XYLT1: variants seen among roughly 807,000 people sequenced by gnomAD.
XYLT1 encodes xylosyltransferase 1.
XYLT1 carries 36 observed loss-of-function variants against 91.3 expected under a neutral mutation model. That is an observed-to-expected ratio of 0.39 (90% CI 0.30 to 0.52). The LOEUF is 0.52. Among genes scored for constraint, XYLT1 ranks in the 20% least tolerant of loss-of-function variants. The pLI, the probability that XYLT1 is intolerant of heterozygous loss-of-function variation, is 0.68. For missense variants in XYLT1, 1,242 were observed against 1,284.5 expected, an observed-to-expected ratio of 0.97 and a Z score of 0.51; for synonymous variants, 588 against 532.0, an observed-to-expected ratio of 1.11 and a Z score of -1.45.
chr16:17,227,194 T>G (rs747629437), intron 3 of XYLT1: 8 of 152,282 alleles, frequency 5.3e-5, no homozygotes, highest in Non-Finnish European at 1.2e-4. Flanking sequence ...AATGAACACC[T>G]GGTCATGGGG....
chr16:17,267,969 G>A (rs568045599), intron 2 of XYLT1, among the ~76,000 whole-genome samples: 1 of 152,292 alleles, frequency 6.6e-6, no homozygotes, highest in South Asian at 2.1e-4. Flanking sequence ...ATTAATGATT[G>A]CAATGGTGAC....
chr16:17,352,770 G>A (rs546876318), intron 2 of XYLT1, among the ~76,000 whole-genome samples: 6 of 152,170 alleles, frequency 3.9e-5, no homozygotes, highest in South Asian at 2.1e-4. Flanking sequence ...CTGAAGTTAC[G>A]GATGCATTTA....
At chr16:17,348,558 AC>A (rs1454754285) in intron 2 of XYLT1, among the ~76,000 whole-genome samples, 2 of 152,054 alleles carry the variant, frequency 1.3e-5, no homozygotes, top group African/African-American at 4.8e-5. Context: ...GTGTGAGAGC[AC>A]CTTCGCCAAG....
At chr16:17,370,292 G>A (rs939631552) in intron 1 of XYLT1, among the ~76,000 whole-genome samples, 3 of 152,216 alleles carry the variant, frequency 2.0e-5, no homozygotes, top group East Asian at 1.9e-4. Flanking sequence ...AGGAGACGAC[G>A]CTGTGCTAAG....
intron 3 of XYLT1, among the ~76,000 whole-genome samples, chr16:17,229,232 G>A (rs745603772): frequency 2.1e-4 from 32 of 152,260 alleles, no homozygotes; most frequent in Admixed American, 1.4e-3. Context: ...CAGAACTGAC[G>A]TGCAAAAAAT....
intron 1 of XYLT1, among the ~76,000 whole-genome samples, chr16:17,389,950 T>C (rs1230796123): frequency 1.3e-5 from 2 of 152,192 alleles, no homozygotes; most frequent in African/African-American, 4.8e-5. Context: ...TCGTGTCAGG[T>C]GTGGCTCCTG....
chr16:17,255,542 C>G (rs552757587), intron 3 of XYLT1, among the ~76,000 whole-genome samples: 1 of 152,280 alleles, frequency 6.6e-6, no homozygotes, highest in South Asian at 2.1e-4. Flanking sequence ...AACTTCTCCA[C>G]CAGGCACAGG....
At chr16:17,443,386 G>C (rs924705710) in intron 1 of XYLT1, among the ~76,000 whole-genome samples, 1 of 152,146 alleles carries the variant, frequency 6.6e-6, no homozygotes, top group Non-Finnish European at 1.5e-5. Flanking sequence ...ATTGGATCAT[G>C]GGAGTGATTT....
intron 1 of XYLT1, among the ~76,000 whole-genome samples, chr16:17,450,214 T>C (rs888095729): frequency 3.3e-5 from 5 of 152,108 alleles, no homozygotes; most frequent in Non-Finnish European, 5.9e-5. Flanking sequence ...GGCAGGCGCC[T>C]GTAATCCCAG....
intron 3 of XYLT1, among the ~76,000 whole-genome samples, chr16:17,204,528 G>A (rs1207983529): frequency 6.6e-6 from 1 of 151,954 alleles, no homozygotes; most frequent in Non-Finnish European, 1.5e-5. Context: ...ATGCAGAGAA[G>A]GAGAAATAGA....
chr16:17,194,659 C>T (rs1275038422), intron 5 of XYLT1, among the ~76,000 whole-genome samples: 1 of 152,230 alleles, frequency 6.6e-6, no homozygotes, highest in Non-Finnish European at 1.5e-5. Flanking sequence ...TTCAAGGTGG[C>T]CTGGGGCCAT....
At chr16:17,368,644 A>G (rs2035486550) in intron 1 of XYLT1, among the ~76,000 whole-genome samples, 1 of 146,520 alleles carries the variant, frequency 6.8e-6, no homozygotes, top group Non-Finnish European at 1.5e-5. Context: ...GAGTGCAGTG[A>G]TGTAATCATG....
chr16:17,438,796 C>T (rs778412954), intron 1 of XYLT1, among the ~76,000 whole-genome samples: 1 of 152,020 alleles, frequency 6.6e-6, no homozygotes, highest in African/African-American at 2.4e-5. Flanking sequence ...TGAGAACTCA[C>T]TCATTATCAC....
chr16:17,294,245 G>C (rs1395426178), intron 2 of XYLT1, among the ~76,000 whole-genome samples: 1 of 152,102 alleles, frequency 6.6e-6, no homozygotes, highest in East Asian at 1.9e-4. Context: ...GGAAAAGCCA[G>C]TGGCCAACTT....
intron 1 of XYLT1, among the ~76,000 whole-genome samples, chr16:17,412,080 G>A (rs914314825): frequency 6.6e-6 from 1 of 152,080 alleles, no homozygotes; most frequent in Non-Finnish European, 1.5e-5. Flanking sequence ...TTTAATTAGC[G>A]AGTGTCCAGA....
rs143992387 is a variant in XYLT1 at position 17,135,737 on chromosome 16, A to G, written c.1765-1002T>C. Among the ~76,000 whole-genome samples the G allele has an allele frequency of 3.4e-3, 520 of 152,336 alleles. 6 individuals carry two copies. Among genetic ancestry groups the G allele is most frequent in the African/African-American group, 0.011 (468 of 41,586 alleles). ...AGTCAGGGTCCAGGGTTAAAGAAAT[A>G]CTAAGCACCTGTAAGCTACCAGGTG... is the stretch of plus-strand genomic sequence containing the variant. On this transcript the variant is annotated intron_variant, in intron 8 of 11. Transcript: ENST00000261381.
chr16:17,128,199 G>T (rs2030330728), intron 9 of XYLT1, among the ~76,000 whole-genome samples: 1 of 152,204 alleles, frequency 6.6e-6, no homozygotes, highest in Admixed American at 6.5e-5. Context: ...CACTCATATT[G>T]ATGGATTTCC....
intron 3 of XYLT1, 50 bp from the exon 4 acceptor site, chr16:17,200,704 C>A: frequency 6.3e-7 from 1 of 1,591,066 alleles, no homozygotes; most frequent in South Asian, 1.1e-5. Flanking sequence ...CTCTGCCATC[C>A]TTTGCAGGGG....
At chr16:17,216,521 T>TC (rs1332023545) in intron 3 of XYLT1, among the ~76,000 whole-genome samples, 1 of 152,180 alleles carries the variant, frequency 6.6e-6, no homozygotes, top group African/African-American at 2.4e-5. Context: ...GGGACATTTC[T>TC]CCAAATCGTT....
Sources: gnomAD v4.1 joint callset for allele counts (sites outside exome capture counted in the v4.1 genomes callset) on GRCh38, gnomAD v4.1.1 for gene constraint, MANE v1.5 for transcripts, NCBI Gene and HGNC (gene_info 2026-07-23, HGNC 2026-07-21) for gene names.